ERMP1: variants seen among roughly 807,000 people sequenced by gnomAD.
The protein encoded by ERMP1 is endoplasmic reticulum metallopeptidase 1.
In ERMP1, 86 loss-of-function variants were observed where a neutral mutation model predicts 92.0. The ratio of observed to expected loss-of-function variants is 0.93; its 90% confidence interval spans 0.79 to 1.12. The LOEUF is 1.12. Among genes scored for constraint, ERMP1 ranks in the 50% most tolerant of loss-of-function variants. The pLI is 0.00. For missense variants in ERMP1, 1,342 were observed against 1,116.3 expected (o/e 1.20, Z -2.88); for synonymous variants, 530 against 412.8 (o/e 1.28, Z -3.44).
intron 6 of ERMP1, among the ~76,000 whole-genome samples, chr9:5,847,944 A>G (rs930908390): frequency 2.0e-5 from 3 of 151,734 alleles, no homozygotes; most frequent in African/African-American, 7.3e-5. Context: ...CAAAAAAATC[A>G]GAACAAAACA....
At chr9:5,837,076 G>C (rs1418570651), upstream of ERMP1, among the ~76,000 whole-genome samples, 5 of 152,304 alleles carry the variant, frequency 3.3e-5, no homozygotes, top group African/African-American at 9.6e-5. Flanking sequence ...TAGTAGAAAA[G>C]AGATTCTCTG....
intron 6 of ERMP1, among the ~76,000 whole-genome samples, chr9:5,851,669 T>C (rs1462523817): frequency 1.3e-5 from 2 of 152,204 alleles, no homozygotes; most frequent in Admixed American, 6.5e-5. Context: ...AGAATCAGTC[T>C]AGCTGTTAAG....
At chr9:5,789,863 T>TTTTG (rs1828102376) in intron 13 of ERMP1, among the ~76,000 whole-genome samples, 1 of 151,484 alleles carries the variant, frequency 6.6e-6, no homozygotes, top group Non-Finnish European at 1.5e-5. Context: ...TTTTTTTTTT[T>TTTTG]GGTAGAGATG....
intron 4 of ERMP1, among the ~76,000 whole-genome samples, chr9:5,816,687 T>C (rs1329931074): frequency 2.0e-5 from 3 of 152,158 alleles, no homozygotes; most frequent in Non-Finnish European, 4.4e-5. Flanking sequence ...GCACCATTCA[T>C]AGCAAAAACC....
In ERMP1 at chr9:5,787,283, A is replaced by G; in HGVS notation, c.2576T>C (p.Met859Thr). 6.2e-7 allele frequency: 1 copy of G among 1,613,588 alleles called. No homozygotes were observed. The highest frequency in any genetic ancestry group is 8.5e-7 in the Non-Finnish European group (1 of 1,179,834). ...VQVSEEHPEG[M>T]VTVAIAAHYL... Reference sequence around the variant, plus strand: ...GTGGGCAGCAATGGCCACGGTGACCATTCCTTCAGGATGTTCTTCTGAAAC... The same window carrying G: ...GTGGGCAGCAATGGCCACGGTGACCGTTCCTTCAGGATGTTCTTCTGAAAC... The change falls in exon 15 of 15, where the codon ATG becomes ACG. Residue 859 changes from methionine (M) to threonine (T), a missense_variant. Transcript: ENST00000339450.
intron 6 of ERMP1, 22 bp from the exon 7 acceptor site, chr9:5,811,345 A>T: frequency 6.5e-7 from 1 of 1,541,184 alleles, no homozygotes; most frequent in Non-Finnish European, 8.8e-7. Flanking sequence ...AACAAAAAAA[A>T]AAAGAAAGAA....
intron 8 of ERMP1, among the ~76,000 whole-genome samples, chr9:5,806,836 T>G (rs1269224951): frequency 6.6e-6 from 1 of 152,144 alleles, no homozygotes; most frequent in African/African-American, 2.4e-5. Flanking sequence ...AAGATGGAAA[T>G]GGAGAAATAG....
intron 6 of ERMP1, among the ~76,000 whole-genome samples, chr9:5,851,806 G>A (rs905393552): frequency 5.3e-5 from 8 of 152,064 alleles, no homozygotes; most frequent in African/African-American, 1.9e-4. Context: ...CATAAAAATT[G>A]AGAAAACACT....
At chr9:5,861,502 C>G (rs1039035603) in intron 5 of ERMP1, among the ~76,000 whole-genome samples, 1 of 151,776 alleles carries the variant, frequency 6.6e-6, no homozygotes, top group African/African-American at 2.4e-5. Context: ...GATTAAAGAC[C>G]TATTTGTCTT....
intron 4 of ERMP1, among the ~76,000 whole-genome samples, chr9:5,819,937 T>C (rs1416770944): frequency 2.6e-5 from 4 of 152,194 alleles, no homozygotes; most frequent in East Asian, 1.9e-4. Context: ...TTGATTATGA[T>C]GATGATTGCA....
chr9:5,849,649 A>C lies in ERMP1; in HGVS notation n.3199+9819T>G, dbSNP rs150791095. On this transcript the variant is annotated intron_variant and non_coding_transcript_variant, in intron 6 of 6. Transcript: ENST00000690753. ...ACCAAGTGATATCCTCACTTCAATAAGTTGTCCTGTGATTCTTGGTTAATA... is the reference window on the plus strand; with the variant it reads ...ACCAAGTGATATCCTCACTTCAATACGTTGTCCTGTGATTCTTGGTTAATA... 3.9e-5 allele frequency among the ~76,000 whole-genome samples: 6 copies of C among 152,314 alleles called. No individual in the cohort carries two copies. The East Asian group carries it at 1.2e-3, about 29-fold the overall frequency.
At chr9:5,810,586 T>C (rs908496109) in intron 7 of ERMP1, among the ~76,000 whole-genome samples, 1 of 152,188 alleles carries the variant, frequency 6.6e-6, no homozygotes, top group African/African-American at 2.4e-5. Flanking sequence ...CAAAGTTCCA[T>C]ATAAAATGTT....
intron 5 of ERMP1, among the ~76,000 whole-genome samples, chr9:5,861,739 T>TTTC (rs1792542412): frequency 6.7e-6 from 1 of 148,506 alleles, no homozygotes; most frequent in African/African-American, 2.5e-5. Context: ...TTTTTTTTTT[T>TTTC]TTGGTCTGCC....
chr9:5,791,712 G>A (rs919870912), intron 13 of ERMP1, among the ~76,000 whole-genome samples: 21 of 152,064 alleles, frequency 1.4e-4, no homozygotes, highest in African/African-American at 4.8e-4. Context: ...ATCTGTCTCC[G>A]TACTAAGCCC....
intron 13 of ERMP1, among the ~76,000 whole-genome samples, chr9:5,792,619 T>C (rs184785975): frequency 1.7e-4 from 26 of 152,258 alleles, no homozygotes; most frequent in African/African-American, 6.3e-4. Context: ...ATGCAACTTA[T>C]TAAAAGGTTT....
chr9:5,831,962 A>G (rs1274617776), intron 1 of ERMP1, among the ~76,000 whole-genome samples: 1 of 152,230 alleles, frequency 6.6e-6, no homozygotes, highest in Non-Finnish European at 1.5e-5. Context: ...CATTCTAGCA[A>G]AAACTTTTTA....
At chr9:5,809,804 C>G (rs1014894776) in intron 8 of ERMP1, among the ~76,000 whole-genome samples, 6 of 152,140 alleles carry the variant, frequency 3.9e-5, no homozygotes, top group African/African-American at 1.4e-4. Context: ...GTTAACAGCC[C>G]GGCTTTATAA....
intron 14 of ERMP1, 30 bp from the exon 15 acceptor site, chr9:5,787,338 T>G: frequency 1.9e-6 from 3 of 1,606,508 alleles, no homozygotes; most frequent in Non-Finnish European, 2.5e-6. Flanking sequence ...AGTTCTCCAG[T>G]TCTCAGAAGC....
Position 5,788,911 on chromosome 9 carries a change from T to C in ERMP1, c.2387-1318A>G, listed in dbSNP as rs1465154509. On this transcript the variant is annotated intron_variant, in intron 13 of 14. Transcript: ENST00000339450. ...CTTAGAAATGAAGACAATTACAAGA[T>C]GCCCAACAGAATAGATTCAAAGGAA... Among the ~76,000 whole-genome samples the C allele has an allele frequency of 2.0e-5, 3 of 152,064 alleles. No individual in the cohort carries two copies. In the East Asian group the frequency reaches 5.8e-4, roughly 29 times the overall value.
Sources: allele counts gnomAD v4.1 joint callset (sites outside exome capture counted in the v4.1 genomes callset), GRCh38; gene constraint gnomAD v4.1.1; transcripts MANE v1.5; gene names NCBI Gene and HGNC (gene_info 2026-07-23, HGNC 2026-07-21).